Variants in FAAH2 observed in about 807,000 individuals in gnomAD.
FAAH2 encodes fatty acid amide hydrolase 2, also known as fatty-acid amide hydrolase 2.
In FAAH2, 60 loss-of-function variants were observed where a neutral mutation model predicts 36.9. The observed-to-expected ratio is 1.63, with a 90% CI of 1.32 to 2.02. The LOEUF (loss-of-function observed/expected upper bound fraction) is 2.02, where lower values mean the gene tolerates loss of function less well. Among genes scored for constraint, FAAH2 ranks in the 30% most tolerant of loss-of-function variants. The probability of loss-of-function intolerance (pLI) is 0.00; values close to 1 mark genes in which losing one functional copy is unlikely to be tolerated. For synonymous variants in FAAH2, 214 were observed against 143.8 expected (o/e 1.49, Z -3.49); for missense variants, 689 against 397.5 (o/e 1.73, Z -6.23).
chrX:57,179,259 G>A, the FAAH2 span, among the ~76,000 whole-genome samples: 1 of 111,645 alleles, frequency 9.0e-6, no homozygotes, highest in Non-Finnish European at 1.9e-5. Context: ...CAGTGTCAAA[G>A]CCACACATAT....
chrX:57,287,459 AG>A (rs1010935361), intron 1 of FAAH2, among the ~76,000 whole-genome samples: 12 of 111,768 alleles, frequency 1.1e-4, no homozygotes, highest in African/African-American at 3.6e-4. Flanking sequence ...AAGTAAAAGT[AG>A]TACTTGGTCT....
chrX:57,233,248 A>C, the FAAH2 span, among the ~76,000 whole-genome samples: 42 of 111,521 alleles, frequency 3.8e-4, 1 homozygote, highest in Non-Finnish European at 7.2e-4. Context: ...TTGGCATTTT[A>C]GTCAAATATC....
intron 2 of FAAH2, among the ~76,000 whole-genome samples, chrX:57,293,851 G>A (rs919163968): frequency 2.3e-4 from 25 of 110,631 alleles, no homozygotes; most frequent in African/African-American, 9.9e-5. Flanking sequence ...GGGTAAATGG[G>A]GGGAGCATGG....
chrX:57,247,437 T>G, the FAAH2 span, among the ~76,000 whole-genome samples: 1 of 111,372 alleles, frequency 9.0e-6, no homozygotes, highest in Admixed American at 9.6e-5. Flanking sequence ...CATATCAATT[T>G]TAAAATACAG....
chrX:57,149,277 G>T, the FAAH2 span, among the ~76,000 whole-genome samples: 4 of 111,706 alleles, frequency 3.6e-5, no homozygotes. Context: ...CTTATAAAAT[G>T]AGTTAGGGAG....
chrX:57,388,059 G>A (rs1160729509), intron 7 of FAAH2, among the ~76,000 whole-genome samples: 1 of 111,195 alleles, frequency 9.0e-6, no homozygotes, highest in Non-Finnish European at 1.9e-5. Context: ...TTGAGAAAAT[G>A]ATGTTAAGGT....
At chrX:57,435,326 C>T (rs1197094863) in intron 8 of FAAH2, among the ~76,000 whole-genome samples, 1 of 111,067 alleles carries the variant, frequency 9.0e-6, no homozygotes, top group African/African-American at 3.3e-5. Context: ...AGTGACCTGA[C>T]AGAAAATAAA....
At chrX:57,127,383 G>T in the FAAH2 span, 1 of 110,849 alleles carries the variant, frequency 9.0e-6, no homozygotes, top group African/African-American at 3.3e-5. Flanking sequence ...AAATATACCA[G>T]GATTAGCAAA....
At chrX:57,451,284 C>T (rs780050194) in intron 10 of FAAH2, among the ~76,000 whole-genome samples, 50 of 111,713 alleles carry the variant, frequency 4.5e-4, no homozygotes, top group African/African-American at 1.6e-3. Context: ...CTAATTAACT[C>T]TCTTCCCTTG....
chrX:57,381,318 C>A (rs1239004662), intron 7 of FAAH2, among the ~76,000 whole-genome samples: 1 of 111,395 alleles, frequency 9.0e-6, no homozygotes, highest in Non-Finnish European at 1.9e-5. Context: ...CAGTGATTCT[C>A]CTATGCTAAT....
chrX:57,425,688 C>T (rs978378938), intron 7 of FAAH2, among the ~76,000 whole-genome samples: 4 of 111,414 alleles, frequency 3.6e-5, no homozygotes, highest in Admixed American at 9.5e-5. Context: ...TGACTATACT[C>T]GTTCTACAGG....
intron 10 of FAAH2, among the ~76,000 whole-genome samples, chrX:57,478,868 C>T (rs2057322804): frequency 9.0e-6 from 1 of 111,698 alleles, no homozygotes; most frequent in African/African-American, 3.3e-5. Flanking sequence ...GGTACCAATA[C>T]CATGCTGTTT....
the FAAH2 span, among the ~76,000 whole-genome samples, chrX:57,180,150 A>C: frequency 8.9e-6 from 1 of 111,859 alleles, no homozygotes; most frequent in African/African-American, 3.2e-5. Context: ...CTAAACACCC[A>C]CATCAACAGG....
At chrX:57,303,156 G>A (rs977288632) in intron 2 of FAAH2, among the ~76,000 whole-genome samples, 3 of 111,503 alleles carry the variant, frequency 2.7e-5, no homozygotes, top group East Asian at 2.8e-4. Flanking sequence ...AAGCCTGATT[G>A]CCCTGCCCCA....
chrX:57,397,888 G>C (rs1378702274), intron 7 of FAAH2, among the ~76,000 whole-genome samples: 1 of 93,849 alleles, frequency 1.1e-5, no homozygotes, highest in African/African-American at 4.0e-5. Context: ...GATGTGTGAT[G>C]TTCCCCTTCC....
chrX:57,307,160 T>C (rs967342033), intron 2 of FAAH2, among the ~76,000 whole-genome samples: 11 of 103,692 alleles, frequency 1.1e-4, no homozygotes, highest in African/African-American at 3.8e-4. Context: ...GAATGAGCCA[T>C]GTTTTCTCAT....
intron 10 of FAAH2, among the ~76,000 whole-genome samples, chrX:57,477,105 T>C (rs1006803285): frequency 4.5e-5 from 5 of 111,156 alleles, no homozygotes; most frequent in Non-Finnish European, 9.4e-5. Flanking sequence ...TCATTATTAG[T>C]CTATATAGTG....
At chrX:57,413,396 T>G (rs1338071050) in intron 7 of FAAH2, among the ~76,000 whole-genome samples, 3 of 112,211 alleles carry the variant, frequency 2.7e-5, no homozygotes, top group Non-Finnish European at 5.6e-5. Context: ...AGTTAATTTT[T>G]GTATAAGGTG....
chrX:57,482,704 C>T (rs956109337), intron 10 of FAAH2, among the ~76,000 whole-genome samples: 1 of 80,351 alleles, frequency 1.2e-5, no homozygotes, highest in Non-Finnish European at 2.6e-5. Flanking sequence ...GGCTTCATTC[C>T]CTCAATTTTT....
Sources: gnomAD v4.1 joint callset for allele counts (sites outside exome capture counted in the v4.1 genomes callset) on GRCh38, gnomAD v4.1.1 for gene constraint, MANE v1.5 for transcripts, NCBI Gene and HGNC (gene_info 2026-07-23, HGNC 2026-07-21) for gene names.